The following SLC44A5 variants were observed in gnomAD, a reference collection of about 807,000 sequenced individuals.
The protein encoded by SLC44A5 is solute carrier family 44 member 5.
SLC44A5 carries 57 observed loss-of-function variants against 101.8 expected under a neutral mutation model. The ratio of observed to expected loss-of-function variants is 0.56; its 90% CI spans 0.45 to 0.70. The LOEUF is 0.70. Among genes scored for constraint, SLC44A5 ranks in the 30% least tolerant of loss-of-function variants. SLC44A5 has a pLI of 0.00. For missense variants in SLC44A5, 737 were observed against 853.1 expected, an observed-to-expected ratio of 0.86 and a Z score of 1.70; for synonymous variants, 281 against 290.9, an observed-to-expected ratio of 0.97 and a Z score of 0.35.
Position 75,215,686 on chromosome 1 carries a change from G to T in SLC44A5, c.1728+68C>A, listed in dbSNP as rs571539065. 1.5e-4 allele frequency: 136 copies of T among 884,804 alleles called. 1 individual carries two copies. The South Asian group carries it at 1.8e-3, about 12-fold the overall frequency. 54.8% of individuals were successfully genotyped at this position (884,804 alleles called of 1,614,324 possible). On this transcript the variant is annotated intron_variant, in intron 19 of 23. Transcript: ENST00000370859. ...CATGAAGTAAAAGTACTTTAGAGAG[G>T]GCAATGTAGACACAAGGTTTGGGAT... is the stretch of plus-strand genomic sequence containing the variant.
At chr1:75,322,327 T>C (rs1159068681) in intron 4 of SLC44A5, among the ~76,000 whole-genome samples, 6 of 151,972 alleles carry the variant, frequency 3.9e-5, no homozygotes, top group African/African-American at 1.5e-4. Flanking sequence ...AAGAGCATGG[T>C]TTACAATGAC....
chr1:75,320,478 A>G (rs1170542677), intron 4 of SLC44A5, among the ~76,000 whole-genome samples: 1 of 152,174 alleles, frequency 6.6e-6, no homozygotes, highest in African/African-American at 2.4e-5. Flanking sequence ...ATGCCTATGT[A>G]TTGTACTCTA....
intron 5 of SLC44A5, among the ~76,000 whole-genome samples, chr1:75,285,071 T>C (rs1002239986): frequency 8.5e-5 from 13 of 152,076 alleles, no homozygotes; most frequent in Admixed American, 6.6e-4. Context: ...ATAGTGTCTA[T>C]AGGATTGGTA....
At chr1:75,306,275 A>G (rs867285856) in intron 4 of SLC44A5, among the ~76,000 whole-genome samples, 17 of 152,178 alleles carry the variant, frequency 1.1e-4, no homozygotes, top group African/African-American at 4.1e-4. Context: ...CCTCTGACCT[A>G]GACCATAAAG....
chr1:75,677,131 C>T, the SLC44A5 span, among the ~76,000 whole-genome samples: 1 of 151,912 alleles, frequency 6.6e-6, no homozygotes, highest in Non-Finnish European at 1.5e-5. Context: ...AAGAAAAGGA[C>T]ATTAATGAGC....
intron 2 of SLC44A5, chr1:75,521,772 T>G (rs1426507972): frequency 6.5e-6 from 1 of 153,250 alleles, no homozygotes; most frequent in African/African-American, 2.4e-5. Flanking sequence ...CCCTTTAAGT[T>G]ACAAATGTCA....
the SLC44A5 span, among the ~76,000 whole-genome samples, chr1:75,718,777 C>T: frequency 1.1e-4 from 16 of 152,142 alleles, no homozygotes; most frequent in African/African-American, 3.9e-4. Flanking sequence ...CATCAGGCAA[C>T]ATCCTGTTTG....
chr1:75,453,048 C>A (rs1665994237), intron 2 of SLC44A5, among the ~76,000 whole-genome samples: 1 of 152,108 alleles, frequency 6.6e-6, no homozygotes, highest in Admixed American at 6.6e-5. Flanking sequence ...ACCTAATAGT[C>A]ATCTACAGAA....
At chr1:75,705,628 C>G in the SLC44A5 span, among the ~76,000 whole-genome samples, 2 of 151,986 alleles carry the variant, frequency 1.3e-5, no homozygotes, top group Non-Finnish European at 2.9e-5. Context: ...TCATCTTTTC[C>G]TCAGTCTCGC....
At chr1:75,453,422 A>C (rs1168910731) in intron 2 of SLC44A5, among the ~76,000 whole-genome samples, 1 of 152,154 alleles carries the variant, frequency 6.6e-6, no homozygotes, top group Non-Finnish European at 1.5e-5. Flanking sequence ...AAACACCTAC[A>C]TCAAAAAGTT....
intron 2 of SLC44A5, among the ~76,000 whole-genome samples, chr1:75,513,437 G>T (rs189298356): frequency 6.6e-6 from 1 of 152,230 alleles, no homozygotes; most frequent in Non-Finnish European, 1.5e-5. Context: ...TTACCAATTG[G>T]TACTAGATAA....
intron 2 of SLC44A5, among the ~76,000 whole-genome samples, chr1:75,418,225 A>C (rs1373073287): frequency 6.6e-6 from 1 of 152,082 alleles, no homozygotes; most frequent in Non-Finnish European, 1.5e-5. Flanking sequence ...TAGTTTACAC[A>C]ACAATTAGTC....
intron 4 of SLC44A5, among the ~76,000 whole-genome samples, chr1:75,321,075 ATTTATAAC>A (rs150339766): frequency 1.7e-3 from 263 of 152,262 alleles, no homozygotes; most frequent in African/African-American, 6.2e-3. Context: ...TAAGATGTTT[ATTTATAAC>A]TTTATGACAT....
chr1:75,471,328 C>A (rs1423227768), intron 2 of SLC44A5, among the ~76,000 whole-genome samples: 1 of 151,560 alleles, frequency 6.6e-6, no homozygotes, highest in Non-Finnish European at 1.5e-5. Context: ...TTCCTTTCAA[C>A]AAGGAAAAAT....
the SLC44A5 span, among the ~76,000 whole-genome samples, chr1:75,646,581 G>C: frequency 6.6e-6 from 1 of 152,080 alleles, no homozygotes; most frequent in Admixed American, 6.6e-5. Flanking sequence ...ACATGTTGCA[G>C]GAGGGACATC....
intron 22 of SLC44A5, 77 bp downstream of exon 22, chr1:75,213,628 A>G: frequency 9.3e-7 from 1 of 1,079,580 alleles, no homozygotes; most frequent in Non-Finnish European, 1.4e-6. Context: ...TGAGGAATAA[A>G]TTTCTGTTGT....
chr1:75,354,448 C>T (rs1311760255), intron 3 of SLC44A5, among the ~76,000 whole-genome samples: 2 of 152,168 alleles, frequency 1.3e-5, no homozygotes, highest in African/African-American at 4.8e-5. Context: ...TCTCAAGCAG[C>T]CATATGTTTC....
At chr1:75,639,055 G>T in the SLC44A5 span, among the ~76,000 whole-genome samples, 11 of 152,044 alleles carry the variant, frequency 7.2e-5, no homozygotes, top group African/African-American at 2.7e-4. Context: ...GGTGGATGGG[G>T]GGAAGAGAGT....
At chr1:75,587,490 C>G (rs1674075599) in intron 1 of SLC44A5, among the ~76,000 whole-genome samples, 1 of 152,146 alleles carries the variant, frequency 6.6e-6, no homozygotes, top group Non-Finnish European at 1.5e-5. Flanking sequence ...TAATGTGAAC[C>G]TCGTCAGTAG....
Sources: allele counts gnomAD v4.1 joint callset (sites outside exome capture counted in the v4.1 genomes callset), GRCh38; gene constraint gnomAD v4.1.1; transcripts MANE v1.5; gene names NCBI Gene and HGNC (gene_info 2026-07-23, HGNC 2026-07-21).